Variants in SMIM27 observed in about 807,000 individuals in gnomAD.
The protein encoded by SMIM27 is transition zone microprotein 1, also known as TOPORS antisense RNA 1 (non-protein coding).
In SMIM27, 3 loss-of-function variants were observed where a neutral mutation model predicts 1.8. The ratio of observed to expected loss-of-function variants is 1.65; its 90% confidence interval spans 0.75 to 4.28. SMIM27 has a LOEUF of 4.28. SMIM27 is among the 30% of genes most tolerant of loss of function. The probability of loss-of-function intolerance (pLI) is 0.02; values close to 1 mark genes in which losing one functional copy is unlikely to be tolerated. For synonymous variants in SMIM27, 19 were observed against 13.9 expected (o/e 1.37, Z -0.82); for missense variants, 63 against 37.0 (o/e 1.70, Z -1.83).
intron 1 of SMIM27, chr9:32,566,070 CAA>C (rs60006624): frequency 0.059 from 19,545 of 333,382 alleles, no homozygotes; most frequent in Middle Eastern, 0.098. Context: ...CTGGAGTGAC[CAA>C]AAAAAAAAAA....
At chr9:32,560,342 T>A (rs1358931890) in intron 1 of SMIM27, among the ~76,000 whole-genome samples, 1 of 152,242 alleles carries the variant, frequency 6.6e-6, no homozygotes, top group East Asian at 1.9e-4. Flanking sequence ...TATTAAATTG[T>A]CAACCTAGTG....
At chr9:32,559,852 G>T (rs1821578687) in intron 1 of SMIM27, among the ~76,000 whole-genome samples, 1 of 152,118 alleles carries the variant, frequency 6.6e-6, no homozygotes, top group African/African-American at 2.4e-5. Context: ...GACTCAATCT[G>T]CTCTGTTCAC....
In SMIM27 at chr9:32,552,907, C is replaced by T. The variant is rs1435612212; in HGVS notation, c.152C>T (p.Thr51Met). The T allele has an allele frequency of 1.3e-5, 9 of 701,834 alleles. No individual in the cohort carries two copies. The highest frequency in any genetic ancestry group is 3.5e-5 in the African/African-American group (2 of 57,144). The allele number at this position is 701,834 out of a possible 1,614,324, so 43.5% of individuals were successfully genotyped here. The change falls in exon 2 of 2, where the codon ACG (threonine) becomes ATG (methionine). Residue 51 changes from threonine (T) to methionine (M), a missense_variant. Transcript: ENST00000692500. ...RKKYPDKIFG[T>M]NENL is the part of the protein sequence containing the mutation. The stretch of plus-strand genomic sequence containing the variant: ...AAATACCCAGACAAAATCTTTGGGA[C>T]GAATGAAAATTTGTAACTCTTCTGG...
chr9:32,556,519 G>T (rs1165403819), downstream of SMIM27, among the ~76,000 whole-genome samples: 1 of 152,160 alleles, frequency 6.6e-6, no homozygotes, highest in African/African-American at 2.4e-5. Flanking sequence ...GTTATTACTT[G>T]TCCTATTCTA....
intron 1 of SMIM27, among the ~76,000 whole-genome samples, chr9:32,560,546 T>G (rs377433097): frequency 6.6e-6 from 1 of 152,242 alleles, no homozygotes; most frequent in Admixed American, 6.5e-5. Context: ...TAAGATAATC[T>G]GGCTAACAGA....
downstream of SMIM27, among the ~76,000 whole-genome samples, chr9:32,555,805 G>C (rs1821439974): frequency 6.6e-6 from 1 of 152,232 alleles, no homozygotes; most frequent in Non-Finnish European, 1.5e-5. Flanking sequence ...CCCCTGGACA[G>C]AGCCAGGAAC....
rs1019666222 is a variant in SMIM27 at position 32,552,832 on chromosome 9, G to C, written c.77G>C (p.Gly26Ala). The C allele has an allele frequency of 5.0e-5, 35 of 702,582 alleles. No individual in the cohort carries two copies. Among genetic ancestry groups the C allele is most frequent in the Admixed American group, 4.6e-4 (23 of 49,978 alleles). The allele number at this position is 702,582 out of a possible 1,614,324, so 43.5% of individuals were successfully genotyped here. A position where few individuals can be genotyped will look rare whatever the true frequency, so the allele number is the denominator to read the frequency against. ...LLLAIVLISW[G>A]CIIYASMVSA... ...CTTGCCATCGTTTTAATCTCCTGGG[G>C]CTGCATCATCTATGCTTCGATGGTG... The change falls in exon 2 of 2, where the codon GGC (glycine) becomes GCC (alanine). Residue 26 changes from glycine to alanine, a missense_variant. Coordinates refer to ENST00000692500, the MANE Select transcript of SMIM27 (RefSeq NM_001387564.1).
At chr9:32,566,178 C>T in intron 1 of SMIM27, 1 of 734,514 alleles carries the variant, frequency 1.4e-6, no homozygotes, top group South Asian at 1.5e-5. Flanking sequence ...GCCACTTCCT[C>T]TTCAACCTTG....
chr9:32,562,178 T>C (rs1587643063), intron 1 of SMIM27, among the ~76,000 whole-genome samples: 1 of 152,212 alleles, frequency 6.6e-6, no homozygotes, highest in Non-Finnish European at 1.5e-5. Context: ...AGGAATTAAC[T>C]TTTTTCCTCC....
At chr9:32,563,490 G>GTTTTTTTTTTTTTT (rs1239149080) in intron 1 of SMIM27, among the ~76,000 whole-genome samples, 6 of 47,546 alleles carry the variant, frequency 1.3e-4, no homozygotes, top group African/African-American at 3.6e-4. Context: ...GGACTATTGG[G>GTTTTTTTTTTTTTT]CTTTTTTTTT....
At chr9:32,561,837 C>T (rs992151232) in intron 1 of SMIM27, among the ~76,000 whole-genome samples, 1 of 152,218 alleles carries the variant, frequency 6.6e-6, no homozygotes, top group Non-Finnish European at 1.5e-5. Context: ...TTCACCCTAA[C>T]CAGATTCTCA....
At chr9:32,557,745 GGGATT>G (rs1821508150), downstream of SMIM27, among the ~76,000 whole-genome samples, 1 of 152,102 alleles carries the variant, frequency 6.6e-6, no homozygotes, top group Non-Finnish European at 1.5e-5. Context: ...CCAAAGTGCT[GGGATT>G]ACACGCGTGA....
intron 1 of SMIM27, among the ~76,000 whole-genome samples, chr9:32,564,975 G>A (rs747047100): frequency 6.6e-6 from 1 of 152,142 alleles, no homozygotes; most frequent in Non-Finnish European, 1.5e-5. Flanking sequence ...GACATTGGGA[G>A]GTTTCCTACT....
intron 1 of SMIM27, among the ~76,000 whole-genome samples, chr9:32,558,117 A>ATTTTT (rs74178816): frequency 7.4e-6 from 1 of 135,230 alleles, no homozygotes. Flanking sequence ...CATAGTATAC[A>ATTTTT]TTTTTTTTTT....
Position 32,552,486 on chromosome 9 carries a change from C to T in SMIM27, c.45+7C>T, listed in dbSNP as rs201250815. 13 of 1,589,100 alleles carry T rather than the reference C, an allele frequency of 8.2e-6. No homozygotes were observed. The East Asian group carries it at 2.3e-4, about 28-fold the overall frequency. ...GGACTGGATTTATTCAGTGGTAAGT[C>T]CCGGGGATCGCGGGCCCCCACCGTG... is the stretch of plus-strand genomic sequence containing the variant. On this transcript the variant is annotated splice_region_variant and intron_variant, in intron 1 of 1. Coordinates refer to ENST00000692500, the MANE Select transcript of SMIM27 (RefSeq NM_001387564.1).
downstream of SMIM27, chr9:32,553,922 C>G (rs1294578046): frequency 1.3e-6 from 2 of 1,597,236 alleles, no homozygotes; most frequent in East Asian, 2.2e-5. Flanking sequence ...AATTACTTCT[C>G]CAGTCTCCAG....
intron 1 of SMIM27, among the ~76,000 whole-genome samples, chr9:32,564,007 C>T (rs915056012): frequency 6.6e-6 from 1 of 152,182 alleles, no homozygotes; most frequent in African/African-American, 2.4e-5. Context: ...GCTCTGAGCT[C>T]TGGGTCCTTT....
intron 1 of SMIM27, among the ~76,000 whole-genome samples, chr9:32,561,149 C>A (rs887451925): frequency 1.3e-5 from 2 of 152,072 alleles, no homozygotes; most frequent in African/African-American, 4.8e-5. Context: ...AAATTGTTAG[C>A]CCTTTTTAAT....
chr9:32,552,525 C>A (rs1455756136), intron 1 of SMIM27, 46 bp downstream of exon 1: 1 of 1,542,304 alleles, frequency 6.5e-7, no homozygotes, highest in African/African-American at 1.4e-5. Flanking sequence ...ACTCACTGGG[C>A]CCGCAGGCGG....
Sources: allele counts gnomAD v4.1 joint callset (sites outside exome capture counted in the v4.1 genomes callset), GRCh38; gene constraint gnomAD v4.1.1; transcripts MANE v1.5; gene names NCBI Gene and HGNC (gene_info 2026-07-23, HGNC 2026-07-21).